The following CSNK2A1 variants were observed in gnomAD, a reference collection of about 807,000 sequenced individuals.
The protein encoded by CSNK2A1 is casein kinase II subunit alpha.
Under a neutral mutation model 62.9 loss-of-function variants are expected in CSNK2A1, and 10 were observed. That is an observed-to-expected ratio of 0.16 (90% confidence interval 0.10 to 0.27). The LOEUF (loss-of-function observed/expected upper bound fraction) is 0.27. CSNK2A1 is among the 10% of genes least tolerant of loss of function. CSNK2A1 has a pLI of 1.00. For synonymous variants in CSNK2A1, 124 were observed against 167.8 expected, an observed-to-expected ratio of 0.74 and a Z score of 2.02; for missense variants, 160 against 492.0, an observed-to-expected ratio of 0.33 and a Z score of 6.38.
chr20:498,864 G>A (rs986216405), intron 6 of CSNK2A1: 1 of 152,838 alleles, frequency 6.5e-6, no homozygotes, highest in African/African-American at 2.4e-5. Flanking sequence ...CAGTTTATGA[G>A]GAATCCTAAG....
At chr20:508,373 T>A in intron 3 of CSNK2A1, 78 bp downstream of exon 3, 1 of 1,518,638 alleles carries the variant, frequency 6.6e-7, no homozygotes, top group Middle Eastern at 1.7e-4. Context: ...CACGGAGGTT[T>A]TCTGACAAAA....
At position 481,613 on chromosome 20, in the gene CSNK2A1, C is replaced by A. The variant is rs2017957638; in HGVS notation, c.*2348G>T. 1 of 151,570 alleles carries A rather than the reference C, an allele frequency of 6.6e-6. No homozygotes were observed. The highest frequency in any genetic ancestry group is 2.4e-5 in the African/African-American group (1 of 41,230). 9.4% of individuals were successfully genotyped at this position (151,570 alleles called of 1,614,324 possible). ...AGGCTCTTGGGTGGCACCTCAGAGT[C>A]CTCTGCATTCACCTTCGGTTTATTC... On this transcript the variant is annotated 3_prime_UTR_variant, in exon 14 of 14. Coordinates refer to ENST00000217244, the MANE Select transcript of CSNK2A1 (RefSeq NM_177559.3).
At chr20:512,825 G>A (rs2018752093) in intron 2 of CSNK2A1, among the ~76,000 whole-genome samples, 1 of 152,150 alleles carries the variant, frequency 6.6e-6, no homozygotes, top group Admixed American at 6.5e-5. Flanking sequence ...TAAAACCTGG[G>A]TGACATTAAT....
chr20:495,828 A>T (rs555441782), intron 7 of CSNK2A1, 26 bp from the exon 8 acceptor site: 2 of 1,596,686 alleles, frequency 1.3e-6, no homozygotes, highest in Non-Finnish European at 8.6e-7. Flanking sequence ...GTCAGAAAGG[A>T]GTTAGCCTGA....
chr20:492,225 C>A, intron 9 of CSNK2A1, 29 bp downstream of exon 9: 1 of 1,583,804 alleles, frequency 6.3e-7, no homozygotes, highest in Non-Finnish European at 8.6e-7. Flanking sequence ...AACACAGGAT[C>A]AAAACTGTGC....
At chr20:524,940 T>C (rs1251363473) in intron 2 of CSNK2A1, among the ~76,000 whole-genome samples, 1 of 148,696 alleles carries the variant, frequency 6.7e-6, no homozygotes, top group African/African-American at 2.5e-5. Context: ...ACAGCAAGAC[T>C]ACCATCTCTA....
chr20:482,270 G>C lies in CSNK2A1; in HGVS notation c.*1691C>G, dbSNP rs1051653008. On this transcript the variant is annotated 3_prime_UTR_variant, in exon 14 of 14. Coordinates refer to ENST00000217244, the MANE Select transcript of CSNK2A1 (RefSeq NM_177559.3). ...GAAGAATTTTTCCTAGTTCCCACAAGCAGCTACTGTAATGAAATAACAGGA... is the reference window on the plus strand; with the variant it reads ...GAAGAATTTTTCCTAGTTCCCACAACCAGCTACTGTAATGAAATAACAGGA... 6.6e-6 allele frequency: 1 copy of C among 152,174 alleles called. No individual in the cohort carries two copies. Among genetic ancestry groups the C allele is most frequent in the Non-Finnish European group, 1.5e-5 (1 of 68,028 alleles). The allele number at this position is 152,174 out of a possible 1,614,324, so 9.4% of individuals were successfully genotyped here.
intron 2 of CSNK2A1, among the ~76,000 whole-genome samples, chr20:514,585 C>T (rs115766182): frequency 0.012 from 1,845 of 151,782 alleles, 34 homozygotes; most frequent in East Asian, 0.085. Context: ...GGGACTATAG[C>T]TATGCGCCAT....
At chr20:528,717 C>A (rs763401907) in intron 1 of CSNK2A1, among the ~76,000 whole-genome samples, 8 of 152,102 alleles carry the variant, frequency 5.3e-5, no homozygotes, top group Non-Finnish European at 7.3e-5. Context: ...CTACCTTGGC[C>A]TCCCAACGTG....
Position 535,314 on chromosome 20 carries a change from C to A in CSNK2A1, c.-226-7265G>T, listed in dbSNP as rs536216525. Among the ~76,000 whole-genome samples, 276 of 152,306 alleles carry A rather than the reference C, an allele frequency of 1.8e-3. 1 individual carries two copies. Among genetic ancestry groups the A allele is most frequent in the African/African-American group, 6.2e-3 (257 of 41,570 alleles). On this transcript the variant is annotated intron_variant, in intron 1 of 13. Transcript: ENST00000217244. ...CAAATAATGAAAGCATTTTATTTGA[C>A]ATTGATAACCTTCTCACAATAAATT...
intron 7 of CSNK2A1, chr20:496,029 A>G (rs1409681810): frequency 4.1e-6 from 2 of 484,166 alleles, no homozygotes; most frequent in East Asian, 7.1e-5. Context: ...TTGTTTCAAC[A>G]TGTTTTCTGT....
At chr20:518,712 AAT>A (rs1491548007) in intron 2 of CSNK2A1, among the ~76,000 whole-genome samples, 5 of 43,346 alleles carry the variant, frequency 1.2e-4, no homozygotes, top group Non-Finnish European at 8.7e-5. Flanking sequence ...ACGCCCGGCT[AAT>A]TTTTTTTTTT....
chr20:521,518 T>C (rs1488540348), intron 2 of CSNK2A1, among the ~76,000 whole-genome samples: 1 of 152,184 alleles, frequency 6.6e-6, no homozygotes, highest in Non-Finnish European at 1.5e-5. Context: ...GAGTTAAACA[T>C]GTACTTAAGC....
chr20:485,105 A>ATAATAATAATAATAATAAT (rs2018060075), intron 13 of CSNK2A1, among the ~76,000 whole-genome samples: 1 of 21,302 alleles, frequency 4.7e-5, no homozygotes, highest in African/African-American at 1.5e-4. Flanking sequence ...AAAAAAAAAA[A>ATAATAATAATAATAATAAT]AAAAATATAT....
chr20:495,088 T>A (rs1366257091), intron 8 of CSNK2A1: 4 of 152,260 alleles, frequency 2.6e-5, no homozygotes, highest in African/African-American at 9.7e-5. Context: ...CACTTACATA[T>A]CCCCAGCCCT....
chr20:519,729 T>C (rs2018905342), intron 2 of CSNK2A1, among the ~76,000 whole-genome samples: 1 of 151,852 alleles, frequency 6.6e-6, no homozygotes, highest in Non-Finnish European at 1.5e-5. Flanking sequence ...CAAATGTCTC[T>C]AAAGAAAAAA....
chr20:508,845 C>T (rs1427676853), intron 2 of CSNK2A1, among the ~76,000 whole-genome samples, 185 bp from the exon 3 acceptor site: 1 of 152,124 alleles, frequency 6.6e-6, no homozygotes, highest in East Asian at 1.9e-4. Context: ...CCAAGAAATA[C>T]AGTAAACTGA....
intron 4 of CSNK2A1, chr20:504,682 C>CA: frequency 6.2e-6 from 1 of 160,686 alleles, no homozygotes; most frequent in Non-Finnish European, 1.4e-5. Context: ...CCCTACCACT[C>CA]ACATCACCTA....
Position 487,582 on chromosome 20 carries a change from G to A in CSNK2A1, c.825-7C>T, listed in dbSNP as rs370478891. ...CCATCGCTTTCGAGAGTGTCTGCAG[G>A]ACCAAAAGAGGGCATGAGAAATGGG... On this transcript the variant is annotated splice_polypyrimidine_tract_variant and splice_region_variant and intron_variant, in intron 11 of 13. Coordinates refer to ENST00000217244, the MANE Select transcript of CSNK2A1 (RefSeq NM_177559.3). 28 of 1,614,022 alleles carry A rather than the reference G, an allele frequency of 1.7e-5. No individual in the cohort carries two copies. Among genetic ancestry groups the A allele is most frequent in the Non-Finnish European group, 2.2e-5 (26 of 1,180,034 alleles).
Sources: gnomAD v4.1 joint callset for allele counts (sites outside exome capture counted in the v4.1 genomes callset) on GRCh38, gnomAD v4.1.1 for gene constraint, MANE v1.5 for transcripts, NCBI Gene and HGNC (gene_info 2026-07-23, HGNC 2026-07-21) for gene names.